SVIP: variants seen among roughly 807,000 people sequenced by gnomAD.
SVIP encodes the protein small VCP interacting protein.
Under a neutral mutation model 12.9 loss-of-function variants are expected in SVIP, and 14 were observed. The observed-to-expected ratio is 1.08, with a 90% confidence interval of 0.72 to 1.70. SVIP has a LOEUF of 1.70. SVIP is among the 40% of genes most tolerant of loss of function. SVIP has a pLI of 0.00. For synonymous variants in SVIP, 35 were observed against 33.3 expected, an observed-to-expected ratio of 1.05 and a Z score of -0.17; for missense variants, 93 against 90.8, an observed-to-expected ratio of 1.02 and a Z score of -0.10.
At chr11:22,829,487 A>G (rs1200559595) in intron 1 of SVIP, 4 of 400,584 alleles carry the variant, frequency 1.0e-5, no homozygotes, top group Admixed American at 5.7e-5. Context: ...TTTTTGTTAC[A>G]AAAGTGGAGA....
rs562636609 is a variant in SVIP at position 22,827,112 on chromosome 11, A to C, written c.219+95T>G. 23 of 941,302 alleles carry C rather than the reference A, an allele frequency of 2.4e-5. No individual in the cohort carries two copies. In the South Asian group the frequency reaches 3.2e-4, roughly 13 times the overall value. The allele number at this position is 941,302 out of a possible 1,614,324, so 58.3% of individuals were successfully genotyped here. ...TTTTAAACTATTTCAAAATTTTCTG[A>C]TAATACATTTCAGGAGAAAATTATG... On this transcript the variant is annotated intron_variant, in intron 3 of 3. Coordinates refer to ENST00000354193, the MANE Select transcript of SVIP (RefSeq NM_148893.3).
At chr11:22,825,518 C>T (rs890553319) in intron 3 of SVIP, among the ~76,000 whole-genome samples, 3 of 152,114 alleles carry the variant, frequency 2.0e-5, no homozygotes, top group Admixed American at 1.3e-4. Context: ...TTTCAAGGTC[C>T]TGAAGGTCAT....
rs1024423097 is a variant in SVIP at position 22,820,018 on chromosome 11, T to C, written c.*3101A>G. On this transcript the variant is annotated 3_prime_UTR_variant, in exon 4 of 4. Coordinates refer to ENST00000354193, the MANE Select transcript of SVIP (RefSeq NM_148893.3). ...AAACTTCATCAAAGTCTGTTATACA[T>C]ACAAATGCCTTGTGTCTGTAGCTTT... 6.6e-6 allele frequency: 1 copy of C among 152,206 alleles called. No individual in the cohort carries two copies. Among genetic ancestry groups the C allele is most frequent in the Admixed American group, 6.5e-5 (1 of 15,286 alleles). The allele number at this position is 152,206 out of a possible 1,614,324, so 9.4% of individuals were successfully genotyped here.
intron 2 of SVIP, 76 bp from the exon 3 acceptor site, chr11:22,827,396 T>G (rs2134765801): frequency 7.9e-7 from 1 of 1,259,162 alleles, no homozygotes; most frequent in African/African-American, 1.6e-5. Context: ...TTTGTCTATC[T>G]TTGCTTTCTA....
chr11:22,826,330 A>C (rs1222399513), intron 3 of SVIP, among the ~76,000 whole-genome samples: 1 of 152,080 alleles, frequency 6.6e-6, no homozygotes, highest in African/African-American at 2.4e-5. Context: ...GTGTATGTGT[A>C]TATGTCCATG....
At chr11:22,826,875 G>A (rs899378725) in intron 3 of SVIP, among the ~76,000 whole-genome samples, 7 of 152,034 alleles carry the variant, frequency 4.6e-5, no homozygotes, top group African/African-American at 1.7e-4. Flanking sequence ...TGTCAAAATG[G>A]TACTTAGTTT....
chr11:22,826,380 GA>G (rs34041927), intron 3 of SVIP, among the ~76,000 whole-genome samples: 121,704 of 151,766 alleles, frequency 0.8, 49,499 homozygotes, highest in Admixed American at 0.88. Flanking sequence ...AGTTTTGAGA[GA>G]AAAAAAACCA....
In SVIP at chr11:22,821,113, T is replaced by C. The variant is rs1433643325; in HGVS notation, c.*2006A>G. On this transcript the variant is annotated 3_prime_UTR_variant, in exon 4 of 4. Coordinates refer to ENST00000354193, the MANE Select transcript of SVIP (RefSeq NM_148893.3). ...TTTGCAGATATTATGTGTATATATA[T>C]ACACACATATATAATATATATATTA... The C allele has an allele frequency of 6.8e-6, 1 of 147,920 alleles. No homozygotes were observed. Among genetic ancestry groups the C allele is most frequent in the Admixed American group, 6.8e-5 (1 of 14,752 alleles). 9.2% of individuals were successfully genotyped at this position (147,920 alleles called of 1,614,324 possible).
chr11:22,827,594 TA>T (rs1183177743), intron 2 of SVIP, among the ~76,000 whole-genome samples: 1 of 152,120 alleles, frequency 6.6e-6, no homozygotes. Flanking sequence ...AGGATGTTAC[TA>T]AAAGAGTATC....
At chr11:22,828,012 T>C in intron 1 of SVIP, 138 bp from the exon 2 acceptor site, 1 of 561,864 alleles carries the variant, frequency 1.8e-6, no homozygotes, top group South Asian at 3.8e-5. Flanking sequence ...AGAATGCCAC[T>C]ACTCAACTTT....
chr11:22,829,284 T>C (rs1044075198), intron 1 of SVIP: 1 of 169,610 alleles, frequency 5.9e-6, no homozygotes, highest in African/African-American at 2.4e-5. Context: ...TAGACACAGT[T>C]GAAAACGCAC....
chr11:22,829,375 T>C, intron 1 of SVIP: 1 of 294,694 alleles, frequency 3.4e-6, no homozygotes, highest in South Asian at 8.3e-5. Context: ...CCCCGGAATG[T>C]CCCACGCGTA....
chr11:22,824,091 T>G lies in SVIP; in HGVS notation c.220-958A>C, dbSNP rs551183843. Among the ~76,000 whole-genome samples the G allele has an allele frequency of 5.3e-5, 8 of 152,292 alleles. No individual in the cohort carries two copies. The East Asian group carries it at 1.2e-3, about 22-fold the overall frequency. On this transcript the variant is annotated intron_variant, in intron 3 of 3. Coordinates refer to ENST00000354193, the MANE Select transcript of SVIP (RefSeq NM_148893.3). ...TATTCTGTCCACTGGACTCTGAAGTTGGTAACCACTGCACAGTGAACCTGC... is the reference window on the plus strand; with the variant it reads ...TATTCTGTCCACTGGACTCTGAAGTGGGTAACCACTGCACAGTGAACCTGC...
At chr11:22,827,356 C>CAAA (rs1466883562) in intron 2 of SVIP, 36 bp from the exon 3 acceptor site, 1 of 1,537,624 alleles carries the variant, frequency 6.5e-7, no homozygotes. Context: ...AGAAAGACAA[C>CAAA]AAAAATCTGT....
intron 1 of SVIP, 33 bp downstream of exon 1, chr11:22,829,662 G>T (rs1432509507): frequency 1.3e-6 from 2 of 1,561,496 alleles, no homozygotes; most frequent in East Asian, 2.4e-5. Flanking sequence ...CTCAAGGCGC[G>T]GCCCGGCGGA....
Position 22,829,758 on chromosome 11 carries a change from A to G in SVIP, c.-10T>C. 1 of 1,604,532 alleles carries G rather than the reference A, an allele frequency of 6.2e-7. No individual in the cohort carries two copies. Among genetic ancestry groups the G allele is most frequent in the South Asian group, 1.1e-5 (1 of 89,392 alleles). ...GAAAACACAGCCCCATAGGGACGACAGCTTGAGAACCCTGACCGGGTCCGG... is the reference window on the plus strand; with the variant it reads ...GAAAACACAGCCCCATAGGGACGACGGCTTGAGAACCCTGACCGGGTCCGG... On this transcript the variant is annotated 5_prime_UTR_variant, in exon 1 of 4. Transcript: ENST00000354193.
chr11:22,828,654 T>TG (rs1040526301), intron 1 of SVIP, among the ~76,000 whole-genome samples: 10 of 151,812 alleles, frequency 6.6e-5, no homozygotes, highest in African/African-American at 1.7e-4. Flanking sequence ...AGTATGAGGA[T>TG]GGGGGGGAGG....
chr11:22,828,612 T>C (rs1307402167), intron 1 of SVIP, among the ~76,000 whole-genome samples: 2 of 151,998 alleles, frequency 1.3e-5, no homozygotes, highest in Admixed American at 1.3e-4. Context: ...ATCCAAGCAG[T>C]GAGCCGTGTG....
chr11:22,827,874 C>T lies in SVIP; in HGVS notation c.55G>A (p.Glu19Lys). 2 of 1,568,190 alleles carry T rather than the reference C, an allele frequency of 1.3e-6. No homozygotes were observed. Among genetic ancestry groups the T allele is most frequent in the Non-Finnish European group, 1.7e-6 (2 of 1,157,906 alleles). ...TCTGCAAGCTTTGCTCTTTTCTCTT[C>T]CTAAATAAATGTGTAAAAATATGTA... ...GESAPPTPDL[E>K]EKRAKLAEAA... The change falls in exon 2 of 4, where the codon GAA (glutamate) becomes AAA (lysine). Residue 19 changes from glutamate to lysine, a missense_variant and splice_region_variant. Glu to Lys is a moderately conservative substitution (Grantham distance 56). Transcript: ENST00000354193.
Sources: gnomAD v4.1 joint callset for allele counts (sites outside exome capture counted in the v4.1 genomes callset) on GRCh38, gnomAD v4.1.1 for gene constraint, MANE v1.5 for transcripts, NCBI Gene and HGNC (gene_info 2026-07-23, HGNC 2026-07-21) for gene names.